Variants in PEAK1 observed in about 807,000 individuals in gnomAD.
PEAK1 encodes the protein inactive tyrosine-protein kinase PEAK1.
In PEAK1, 54 loss-of-function variants were observed where a neutral mutation model predicts 124.7. The ratio of observed to expected loss-of-function variants is 0.43; its 90% CI spans 0.35 to 0.54. The LOEUF (loss-of-function observed/expected upper bound fraction) is 0.54, where lower values mean the gene tolerates loss of function less well. Ranked by LOEUF, PEAK1 falls within the 20% of genes least tolerant of loss-of-function variation. PEAK1 has a pLI of 0.01. For missense variants in PEAK1, 2,046 were observed against 2,134.5 expected, an observed-to-expected ratio of 0.96 and a Z score of 0.82; for synonymous variants, 719 against 760.0, an observed-to-expected ratio of 0.95 and a Z score of 0.89.
At chr15:77,312,312 A>G (rs1201290068) in intron 2 of PEAK1, among the ~76,000 whole-genome samples, 1 of 152,220 alleles carries the variant, frequency 6.6e-6, no homozygotes, top group African/African-American at 2.4e-5. Flanking sequence ...TACTCATGTA[A>G]TTATCCTATT....
rs182728790 is a variant in PEAK1 at position 77,299,833 on chromosome 15, T to C, written c.-602-13329A>G. Among the ~76,000 whole-genome samples the C allele has an allele frequency of 7.7e-4, 118 of 152,332 alleles. 1 individual carries two copies. The highest frequency in any genetic ancestry group is 7.7e-3 in the Admixed American group (118 of 15,300). On this transcript the variant is annotated intron_variant, in intron 2 of 9. Transcript: ENST00000682557. The stretch of plus-strand genomic sequence containing the variant: ...TAATTGGCAAATGGTGATCTTTCCA[T>C]TATTCCTTTTCTTCTCCCCACTAAT...
intron 5 of PEAK1, among the ~76,000 whole-genome samples, chr15:77,254,993 A>G (rs1210821153): frequency 6.6e-6 from 1 of 152,216 alleles, no homozygotes; most frequent in Non-Finnish European, 1.5e-5. Context: ...TTTAGATAGC[A>G]TATAAACTAA....
intron 6 of PEAK1, among the ~76,000 whole-genome samples, chr15:77,200,823 AG>A (rs1413343796): frequency 6.6e-6 from 1 of 152,102 alleles, no homozygotes; most frequent in East Asian, 1.9e-4. Context: ...ATCTTCCATT[AG>A]GGTCAAACGT....
At chr15:77,417,218 C>G (rs59674252) in intron 1 of PEAK1, 4 of 417,594 alleles carry the variant, frequency 9.6e-6, no homozygotes, top group Non-Finnish European at 1.3e-5. Context: ...CAACTGTAAA[C>G]TCCTTGCAAA....
intron 1 of PEAK1, among the ~76,000 whole-genome samples, chr15:77,408,988 T>C (rs1182190709): frequency 1.3e-5 from 2 of 152,064 alleles, no homozygotes; most frequent in African/African-American, 2.4e-5. Context: ...GGAGGATCGT[T>C]TGAGCCCGGG....
At chr15:77,406,797 A>G (rs1157716382) in intron 1 of PEAK1, among the ~76,000 whole-genome samples, 3 of 152,200 alleles carry the variant, frequency 2.0e-5, no homozygotes, top group Non-Finnish European at 4.4e-5. Flanking sequence ...TGGAACCAAA[A>G]AAGAGCTCAC....
intron 7 of PEAK1, among the ~76,000 whole-genome samples, chr15:77,167,241 A>G: frequency 6.6e-6 from 1 of 152,216 alleles, no homozygotes; most frequent in African/African-American, 2.4e-5. Flanking sequence ...ACTATGAAAA[A>G]GCAGGGAGGG....
intron 6 of PEAK1, among the ~76,000 whole-genome samples, chr15:77,230,047 C>A (rs906180858): frequency 6.6e-6 from 1 of 152,054 alleles, no homozygotes; most frequent in African/African-American, 2.4e-5. Flanking sequence ...AAACAAGACA[C>A]CATTCTCAAA....
At chr15:77,130,536 ATTCTGTC>A (rs1409766617) in intron 9 of PEAK1, among the ~76,000 whole-genome samples, 2 of 152,232 alleles carry the variant, frequency 1.3e-5, no homozygotes, top group Non-Finnish European at 2.9e-5. Context: ...TCAAACATAC[ATTCTGTC>A]TTGATAGACA....
intron 2 of PEAK1, among the ~76,000 whole-genome samples, chr15:77,314,350 G>A (rs534958026): frequency 3.3e-5 from 5 of 151,524 alleles, no homozygotes; most frequent in Admixed American, 6.6e-5. Flanking sequence ...CCTCAACCCT[G>A]TAATATAACC....
chr15:77,315,745 C>T (rs2064830417), intron 2 of PEAK1, among the ~76,000 whole-genome samples: 1 of 151,884 alleles, frequency 6.6e-6, no homozygotes, highest in East Asian at 1.9e-4. Flanking sequence ...AAAAGAGGGA[C>T]ATTCTACAAT....
chr15:77,346,107 C>T (rs2066859358), intron 2 of PEAK1: 1 of 985,264 alleles, frequency 1.0e-6, no homozygotes, highest in Non-Finnish European at 1.2e-6. Context: ...ACCAAAGTTC[C>T]AACCAAGAGT....
At chr15:77,214,949 A>G (rs778544527) in intron 6 of PEAK1, among the ~76,000 whole-genome samples, 5 of 152,190 alleles carry the variant, frequency 3.3e-5, no homozygotes, top group African/African-American at 4.8e-5. Flanking sequence ...GGGGACACAG[A>G]ACCAACCATA....
chr15:77,305,025 T>C (rs998843796), intron 2 of PEAK1, among the ~76,000 whole-genome samples: 3 of 151,686 alleles, frequency 2.0e-5, no homozygotes, highest in African/African-American at 4.8e-5. Context: ...TGTGTGCCTG[T>C]AGTCCCAGCT....
At chr15:77,143,374 A>G (rs1030168093) in intron 8 of PEAK1, among the ~76,000 whole-genome samples, 6 of 152,042 alleles carry the variant, frequency 3.9e-5, no homozygotes, top group Non-Finnish European at 8.8e-5. Context: ...CTCCAGTTTT[A>G]CCTCCCTCAC....
chr15:77,334,512 G>T (rs2066077334), intron 2 of PEAK1: 2 of 985,180 alleles, frequency 2.0e-6, no homozygotes, highest in African/African-American at 1.7e-5. Context: ...TCACGACCCA[G>T]GCAGTTTGCT....
intron 2 of PEAK1, chr15:77,337,097 C>A: frequency 1.0e-6 from 1 of 979,212 alleles, no homozygotes; most frequent in African/African-American, 1.8e-5. Flanking sequence ...ACAAAGTAAC[C>A]AATCAAGATG....
At chr15:77,202,970 G>C (rs1205157116) in intron 6 of PEAK1, among the ~76,000 whole-genome samples, 2 of 150,808 alleles carry the variant, frequency 1.3e-5, no homozygotes, top group African/African-American at 4.9e-5. Flanking sequence ...CCAAGAGGCA[G>C]AGATTGCAGT....
Position 77,180,352 on chromosome 15 carries a change from T to A in PEAK1, c.1575A>T (p.Lys525Asn). ...CTTCTTGGTATCGAATTGCACTGGA[T>A]TTTTGGAAATGGGCACTTATTTGTC... ...TPGQISAHFQ[K>N]SSAIRYQEVW... Residue 525 changes from lysine (K) to asparagine (N), a missense_variant, in exon 7 of 10, where the codon AAA becomes AAT. Physicochemically the swap from Lys to Asn is moderately conservative, Grantham distance 94. Coordinates refer to ENST00000682557, the MANE Select transcript of PEAK1 (RefSeq NM_001385026.1). The A allele has an allele frequency of 6.2e-7, 1 of 1,614,130 alleles. No homozygotes were observed.
Sources: gnomAD v4.1 joint callset for allele counts (sites outside exome capture counted in the v4.1 genomes callset) on GRCh38, gnomAD v4.1.1 for gene constraint, MANE v1.5 for transcripts, NCBI Gene and HGNC (gene_info 2026-07-23, HGNC 2026-07-21) for gene names.